GIPC1: variants seen among roughly 807,000 people sequenced by gnomAD.
GIPC1 encodes the protein PDZ domain-containing protein GIPC1.
A neutral mutation model predicts 28.5 loss-of-function variants in GIPC1; 15 were observed. The ratio of observed to expected loss-of-function variants is 0.53; its 90% confidence interval spans 0.35 to 0.81. The LOEUF (loss-of-function observed/expected upper bound fraction) is 0.81. GIPC1 is among the 30% of genes least tolerant of loss of function. The pLI is 0.01. For missense variants in GIPC1, 439 were observed against 481.9 expected (o/e 0.91, Z 0.83); for synonymous variants, 224 against 206.1 (o/e 1.09, Z -0.74).
chr19:14,496,062 G>GCCGCCGCCGCTGCCT lies in GIPC1; in HGVS notation c.-201_-200insAGGCAGCGGCGGCGG, dbSNP rs1555723674. The GCCGCCGCCGCTGCCT allele has an allele frequency of 1.2e-5, 3 of 248,262 alleles. No individual in the cohort carries two copies. The highest frequency in any genetic ancestry group is 2.3e-5 in the Non-Finnish European group (3 of 131,988). The allele number at this position is 248,262 out of a possible 1,614,324, so 15.4% of individuals were successfully genotyped here. A position where few individuals can be genotyped will look rare whatever the true frequency, so the allele number is the denominator to read the frequency against. On this transcript the variant is annotated 5_prime_UTR_variant, in exon 1 of 9. Transcript: ENST00000393033. Reference sequence around the variant, plus strand: ...CTGCTCCGCCGCCGCCGCCGCCGCCGCCGCCGCCGCCGCTGCCTCCGCCTC... The same window carrying GCCGCCGCCGCTGCCT: ...CTGCTCCGCCGCCGCCGCCGCCGCCGCCGCCGCCGCTGCCTCCGCCGCCGCCGCTGCCTCCGCCTC...
chr19:14,484,990 T>G (rs2071804433), intron 3 of GIPC1, among the ~76,000 whole-genome samples: 1 of 151,448 alleles, frequency 6.6e-6, no homozygotes, highest in South Asian at 2.1e-4. Context: ...TGAGACCCCG[T>G]CTCTACTAAA....
At chr19:14,481,327 TG>T (rs543765689) in intron 4 of GIPC1, among the ~76,000 whole-genome samples, 11 of 152,100 alleles carry the variant, frequency 7.2e-5, no homozygotes, top group Non-Finnish European at 1.3e-4. Context: ...CAGGCTGGCC[TG>T]GAACTCCTGA....
At chr19:14,481,161 G>C (rs1394385025) in intron 4 of GIPC1, among the ~76,000 whole-genome samples, 1 of 152,034 alleles carries the variant, frequency 6.6e-6, no homozygotes, top group Non-Finnish European at 1.5e-5. Context: ...GTGGAGATAT[G>C]GGGTCTCACT....
chr19:14,481,250 A>G (rs982856364), intron 4 of GIPC1, among the ~76,000 whole-genome samples: 1 of 152,156 alleles, frequency 6.6e-6, no homozygotes, highest in Middle Eastern at 3.4e-3. Flanking sequence ...GGGACCACAG[A>G]CACGTGCCAC....
Position 14,482,741 on chromosome 19 carries a change from A to C in GIPC1, c.236T>G (p.Val79Gly). 2.5e-6 allele frequency: 4 copies of C among 1,611,550 alleles called. No homozygotes were observed. Among genetic ancestry groups the C allele is most frequent in the Non-Finnish European group, 3.4e-6 (4 of 1,179,890 alleles). ...GGCGATCTTGCCATACAGCTCCTTG[A>C]CGTTGGTGAAGCCCTCGATGCGGCC... ...PTGRIEGFTN[V>G]KELYGKIAEA... Residue 79 changes from valine (V) to glycine (G), a missense_variant, in exon 4 of 9, where the codon GTC (valine) becomes GGC (glycine). Physicochemically the swap from Val to Gly is moderately radical, Grantham distance 109. Coordinates refer to ENST00000393033, the MANE Select transcript of GIPC1 (RefSeq NM_005716.4).
In GIPC1 at chr19:14,480,724, C is replaced by T. The variant is rs758287191; in HGVS notation, c.343G>A (p.Gly115Ser). The T allele has an allele frequency of 9.3e-6, 15 of 1,613,790 alleles. No homozygotes were observed. The highest frequency in any genetic ancestry group is 1.3e-5 in the Non-Finnish European group (15 of 1,179,790). Reference sequence around the variant, plus strand: ...ATGAAGTCCTCCAGCCCGATCTGGCCCCCCAGGAGCTTGTCCATGTCCACT... The same window carrying T: ...ATGAAGTCCTCCAGCCCGATCTGGCTCCCCAGGAGCTTGTCCATGTCCACT... ...HKVDMDKLLG[G>S]QIGLEDFIFA... Residue 115 changes from glycine to serine, a missense_variant, in exon 5 of 9, where the codon GGC (glycine) becomes AGC (serine). Coordinates refer to ENST00000393033, the MANE Select transcript of GIPC1 (RefSeq NM_005716.4).
At chr19:14,479,385 G>C (rs1002079048) in intron 7 of GIPC1, 27 bp downstream of exon 7, 1 of 927,124 alleles carries the variant, frequency 1.1e-6, no homozygotes, top group African/African-American at 1.7e-5. Flanking sequence ...AGGGATGCCG[G>C]AGATAGGGTC....
At chr19:14,482,626 G>C in intron 4 of GIPC1, 63 bp downstream of exon 4, 1 of 1,499,072 alleles carries the variant, frequency 6.7e-7, no homozygotes, top group South Asian at 1.2e-5. Context: ...TCATGAACAG[G>C]ATGCAGGCCC....
At chr19:14,493,325 T>C (rs1392883318) in intron 1 of GIPC1, among the ~76,000 whole-genome samples, 1 of 152,244 alleles carries the variant, frequency 6.6e-6, no homozygotes, top group Admixed American at 6.5e-5. Context: ...TCCCACCTTC[T>C]GGAAGAAAAA....
chr19:14,487,573 G>T (rs2071875384), intron 3 of GIPC1, among the ~76,000 whole-genome samples: 1 of 151,970 alleles, frequency 6.6e-6, no homozygotes, highest in Admixed American at 6.6e-5. Flanking sequence ...ATGCTATATA[G>T]GCTAGCTGGG....
chr19:14,487,499 G>A (rs1243264550), intron 3 of GIPC1, among the ~76,000 whole-genome samples: 1 of 151,804 alleles, frequency 6.6e-6, no homozygotes, highest in African/African-American at 2.4e-5. Context: ...CTCCCAAAGT[G>A]CTGGGATTAC....
chr19:14,481,134 T>C (rs1245405008), intron 4 of GIPC1, among the ~76,000 whole-genome samples: 2 of 152,168 alleles, frequency 1.3e-5, no homozygotes, highest in Admixed American at 1.3e-4. Flanking sequence ...CATGCCTGGC[T>C]AATTTTTGTA....
At chr19:14,485,254 C>T (rs957031749) in intron 3 of GIPC1, among the ~76,000 whole-genome samples, 1 of 152,006 alleles carries the variant, frequency 6.6e-6, no homozygotes, top group Non-Finnish European at 1.5e-5. Flanking sequence ...ACGATAATGG[C>T]TCACTGCAGC....
intron 3 of GIPC1, among the ~76,000 whole-genome samples, chr19:14,485,729 A>AGAGAGG (rs1568365227): frequency 1.1e-4 from 16 of 146,888 alleles, no homozygotes; most frequent in African/African-American, 3.8e-4. Flanking sequence ...AGAGAGAGAG[A>AGAGAGG]GAGAGAGAGA....
rs551890857 is a variant in GIPC1, at chr19:14,492,808, C to A, written c.-119+49G>T. 1.8e-3 allele frequency: 267 copies of A among 152,354 alleles called. 1 individual carries two copies. The highest frequency in any genetic ancestry group is 2.5e-3 in the Non-Finnish European group (170 of 68,034). 9.4% of individuals were successfully genotyped at this position (152,354 alleles called of 1,614,324 possible). ...TGAGTAATGAATCTGCCTGCCACGG[C>A]CATAAGAGGCTTCGTGGCCTGGGTT... On this transcript the variant is annotated intron_variant, in intron 2 of 8. Transcript: ENST00000393033.
In GIPC1 at chr19:14,478,476, A is replaced by G; in HGVS notation, c.942T>C (p.Pro314=). ...CCCAGACGTCAAAGACGAACTCGTC[A>G]GGGAAGGCAAAGTCACCCAGCCGTT... ...LDERLGDFAF[P]DEFVFDVWGA... Residue 314 remains proline (P), a synonymous_variant, in exon 9 of 9, where the codon CCT becomes CCC. Coordinates refer to ENST00000393033, the MANE Select transcript of GIPC1 (RefSeq NM_005716.4). The surrounding 1 kb of genome is among the most constrained non-coding windows in gnomAD (Gnocchi z 5.2). 1 of 1,613,528 alleles carries G rather than the reference A, an allele frequency of 6.2e-7. No homozygotes were observed. The highest frequency in any genetic ancestry group is 8.5e-7 in the Non-Finnish European group (1 of 1,179,828).
In GIPC1 at chr19:14,479,552, T is replaced by TG. The variant is rs536292739; in HGVS notation, c.656-29dup. On this transcript the variant is annotated intron_variant, in intron 6 of 8. Transcript: ENST00000393033. ...GTGGGAGGCAGGAGAGGAGTGAGTG[T>TG]GGGGGAAGCTTGGTTTTAGCACGTT... 9.6e-5 allele frequency: 118 copies of TG among 1,227,090 alleles called. No individual in the cohort carries two copies. The African/African-American group carries it at 1.7e-3, about 17-fold the overall frequency. 76.0% of individuals were successfully genotyped at this position (1,227,090 alleles called of 1,614,324 possible).
Position 14,482,833 on chromosome 19 carries a change from G to T in GIPC1, c.144C>A (p.Pro48=). The change falls in exon 4 of 9, where the codon CCC becomes CCA. Residue 48 remains proline (P), a synonymous_variant. Transcript: ENST00000393033. ...GGSGGPQMGL[P]PPPPALRPRL... ...GGGGCCGCAGGGCTGGGGGAGGGGGGGGCAAGCCCATTTGGGGGCCCCCCG... is the reference window on the plus strand; with the variant it reads ...GGGGCCGCAGGGCTGGGGGAGGGGGTGGCAAGCCCATTTGGGGGCCCCCCG... The T allele has an allele frequency of 6.3e-7, 1 of 1,578,688 alleles. No homozygotes were observed. The highest frequency in any genetic ancestry group is 8.6e-7 in the Non-Finnish European group (1 of 1,163,028).
chr19:14,489,392 G>A (rs181896174), intron 3 of GIPC1: 67 of 790,262 alleles, frequency 8.5e-5, no homozygotes, highest in African/African-American at 4.7e-4. Context: ...TACACCATGA[G>A]CAAAGCTCAC....
Sources: gnomAD v4.1 joint callset for allele counts (sites outside exome capture counted in the v4.1 genomes callset) on GRCh38, gnomAD v4.1.1 for gene constraint, Gnocchi (gnomAD v3.1) non-coding constraint, MANE v1.5 for transcripts, NCBI Gene and HGNC (gene_info 2026-07-23, HGNC 2026-07-21) for gene names.